Variants in SLC47A2 observed in about 807,000 individuals in gnomAD.
SLC47A2 encodes multidrug and toxin extrusion protein 2.
Under a neutral mutation model 67.7 loss-of-function variants are expected in SLC47A2, and 52 were observed. The ratio of observed to expected loss-of-function variants is 0.77; its 90% CI spans 0.61 to 0.97. The LOEUF (loss-of-function observed/expected upper bound fraction) is 0.97. SLC47A2 is among the 50% of genes least tolerant of loss of function. The pLI, the probability that SLC47A2 is intolerant of heterozygous loss-of-function variation, is 0.00. For missense variants in SLC47A2, 676 were observed against 712.3 expected, an observed-to-expected ratio of 0.95 and a Z score of 0.58; for synonymous variants, 278 against 292.9, an observed-to-expected ratio of 0.95 and a Z score of 0.52.
At chr17:19,693,220 C>T (rs181265535) in intron 13 of SLC47A2, among the ~76,000 whole-genome samples, 1 of 152,172 alleles carries the variant, frequency 6.6e-6, no homozygotes, top group East Asian at 1.9e-4. Flanking sequence ...ACAATTAATG[C>T]AAAACACCAT....
At chr17:19,681,783 A>C in intron 13 of SLC47A2, 113 bp from the exon 14 acceptor site, 18 of 1,331,084 alleles carry the variant, frequency 1.4e-5, no homozygotes, top group Non-Finnish European at 1.8e-5. Flanking sequence ...CTGAGTTCTC[A>C]CAGCACTGGA....
intron 15 of SLC47A2, among the ~76,000 whole-genome samples, chr17:19,680,552 A>G (rs541048325): frequency 2.6e-5 from 4 of 152,262 alleles, no homozygotes; most frequent in East Asian, 3.9e-4. Context: ...TTTTCTGTGC[A>G]CAAAGGCAAA....
intron 9 of SLC47A2, 91 bp from the exon 10 acceptor site, chr17:19,705,594 G>T: frequency 7.8e-7 from 1 of 1,282,910 alleles, no homozygotes; most frequent in South Asian, 1.5e-5. Context: ...GGGGACTCAG[G>T]GGCTTTTTTT....
chr17:19,681,223 AAAC>A (rs1290730544), intron 15 of SLC47A2, 141 bp downstream of exon 15: 14 of 681,654 alleles, frequency 2.1e-5, no homozygotes, highest in Non-Finnish European at 2.7e-5. Context: ...ACAAACAAAC[AAAC>A]AAAAAAAAAA....
intron 13 of SLC47A2, among the ~76,000 whole-genome samples, chr17:19,688,483 C>A (rs1322325277): frequency 6.6e-6 from 1 of 152,148 alleles, no homozygotes; most frequent in Non-Finnish European, 1.5e-5. Flanking sequence ...CACTGTTATT[C>A]AAAATAGTAC....
At chr17:19,699,094 A>C (rs2085730072) in intron 13 of SLC47A2, among the ~76,000 whole-genome samples, 1 of 152,174 alleles carries the variant, frequency 6.6e-6, no homozygotes, top group Non-Finnish European at 1.5e-5. Context: ...AATAGACAAA[A>C]AAGATCACTG....
chr17:19,704,299 G>T, intron 10 of SLC47A2, 121 bp from the exon 11 acceptor site: 1 of 750,696 alleles, frequency 1.3e-6, no homozygotes. Flanking sequence ...GGCATGCAGT[G>T]TAAGAGGCAC....
chr17:19,695,515 CA>C (rs201305334), intron 13 of SLC47A2, among the ~76,000 whole-genome samples: 260 of 91,342 alleles, frequency 2.8e-3, no homozygotes, highest in African/African-American at 4.9e-3. Flanking sequence ...AAAAAAACAG[CA>C]AAAAAAAAAA....
At chr17:19,698,201 T>G (rs1433099334) in intron 13 of SLC47A2, among the ~76,000 whole-genome samples, 3 of 152,214 alleles carry the variant, frequency 2.0e-5, no homozygotes, top group African/African-American at 7.2e-5. Context: ...CGAGAATTAC[T>G]ATAAAGCTGC....
At chr17:19,714,111 G>T in intron 3 of SLC47A2, 138 bp from the exon 4 acceptor site, 1 of 1,201,552 alleles carries the variant, frequency 8.3e-7, no homozygotes, top group Admixed American at 2.8e-5. Flanking sequence ...CCTGGCGCCC[G>T]CAGCCTGTAA....
chr17:19,679,852 G>A, intron 16 of SLC47A2, 100 bp downstream of exon 16: 1 of 1,184,328 alleles, frequency 8.4e-7, no homozygotes, highest in Non-Finnish European at 1.2e-6. Context: ...GCTTGGGCTT[G>A]TACAATTTCC....
intron 8 of SLC47A2, 87 bp from the exon 9 acceptor site, chr17:19,706,848 CT>C: frequency 1.0e-6 from 1 of 983,450 alleles, no homozygotes. Flanking sequence ...CCCTAAACCC[CT>C]TTGGCTCTTC....
At chr17:19,691,537 A>G (rs2085540827) in intron 13 of SLC47A2, among the ~76,000 whole-genome samples, 1 of 152,220 alleles carries the variant, frequency 6.6e-6, no homozygotes, top group Non-Finnish European at 1.5e-5. Context: ...CGTTTGTAGG[A>G]GACATAAATT....
At chr17:19,711,613 A>AAAAAAAAAAAAAAAAG (rs2086102163) in intron 5 of SLC47A2, among the ~76,000 whole-genome samples, 1 of 149,744 alleles carries the variant, frequency 6.7e-6, no homozygotes, top group African/African-American at 2.4e-5. Flanking sequence ...AAAAAAAAAA[A>AAAAAAAAAAAAAAAAG]AAAGAAAAGA....
chr17:19,705,589 C>A, intron 9 of SLC47A2, 86 bp from the exon 10 acceptor site: 2 of 1,282,310 alleles, frequency 1.6e-6, no homozygotes, highest in Non-Finnish European at 2.1e-6. Context: ...GCTTTGGGGA[C>A]TCAGGGGCTT....
In SLC47A2 at chr17:19,681,535, T is replaced by C. The variant is rs1203693974; in HGVS notation, c.1297+3A>G. 3 of 1,613,978 alleles carry C rather than the reference T, an allele frequency of 1.9e-6. No individual in the cohort carries two copies. Among genetic ancestry groups the C allele is most frequent in the Non-Finnish European group, 2.5e-6 (3 of 1,180,012 alleles). On this transcript the variant is annotated splice_donor_region_variant and intron_variant, in intron 14 of 16. Transcript: ENST00000433844. ...CCTCTCCCGACTTCCTCACACCACATACCCATGATTCTCATTCTGACCACA... is the reference window on the plus strand; with the variant it reads ...CCTCTCCCGACTTCCTCACACCACACACCCATGATTCTCATTCTGACCACA...
At chr17:19,682,329 T>TCACAAACACA (rs1555537209) in intron 13 of SLC47A2, among the ~76,000 whole-genome samples, 2 of 143,784 alleles carry the variant, frequency 1.4e-5, no homozygotes, top group Admixed American at 7.0e-5. Flanking sequence ...CGAGACTTGG[T>TCACAAACACA]CACACACACA....
chr17:19,717,163 TA>T (rs1213776909), upstream of SLC47A2: 1 of 153,236 alleles, frequency 6.5e-6, no homozygotes, highest in East Asian at 1.9e-4. Flanking sequence ...GGCCTGGGGA[TA>T]GGGATGGGAG....
chr17:19,690,705 T>C (rs1377023501), intron 13 of SLC47A2, among the ~76,000 whole-genome samples: 1 of 152,146 alleles, frequency 6.6e-6, no homozygotes, highest in Non-Finnish European at 1.5e-5. Flanking sequence ...ATGCCCAACA[T>C]CACTGATCGT....
Sources: allele counts gnomAD v4.1 joint callset (sites outside exome capture counted in the v4.1 genomes callset), GRCh38; gene constraint gnomAD v4.1.1; transcripts MANE v1.5; gene names NCBI Gene and HGNC (gene_info 2026-07-23, HGNC 2026-07-21).